Variants in GRIA3 observed in about 807,000 individuals in gnomAD.
The protein encoded by GRIA3 is glutamate ionotropic receptor AMPA type subunit 3.
A neutral mutation model predicts 63.0 loss-of-function variants in GRIA3; 3 were observed. The observed-to-expected ratio is 0.05, with a 90% CI of 0.02 to 0.12. GRIA3 has a LOEUF of 0.12. Ranked by LOEUF, GRIA3 falls within the 10% of genes least tolerant of loss-of-function variation. GRIA3 has a pLI of 1.00. For missense variants in GRIA3, 347 were observed against 700.9 expected (o/e 0.50, Z 5.70); for synonymous variants, 274 against 257.9 (o/e 1.06, Z -0.60).
chrX:123,253,914 G>T (rs1428438544), intron 3 of GRIA3, among the ~76,000 whole-genome samples: 2 of 111,658 alleles, frequency 1.8e-5, no homozygotes, highest in African/African-American at 6.5e-5. Context: ...AATCCTGTCA[G>T]AAACTGTAAT....
chrX:123,386,249 A>G (rs1285157300), intron 5 of GRIA3, among the ~76,000 whole-genome samples: 1 of 111,854 alleles, frequency 8.9e-6, no homozygotes, highest in African/African-American at 3.2e-5. Flanking sequence ...TTATTTTAAG[A>G]AATTTCTATT....
chrX:123,434,619 T>C (rs186681515), intron 12 of GRIA3, among the ~76,000 whole-genome samples: 86 of 111,937 alleles, frequency 7.7e-4, no homozygotes, highest in Non-Finnish European at 1.4e-3. Flanking sequence ...GCAAGAGCCA[T>C]AGACCTTATA....
At chrX:123,203,611 C>T (rs369016928) in intron 2 of GRIA3, among the ~76,000 whole-genome samples, 1 of 111,772 alleles carries the variant, frequency 8.9e-6, no homozygotes, top group Non-Finnish European at 1.9e-5. Context: ...TCAAGTCTGG[C>T]CTCCACAGCA....
intron 2 of GRIA3, among the ~76,000 whole-genome samples, chrX:123,219,146 C>CA (rs990039213): frequency 1.3e-3 from 140 of 110,351 alleles, no homozygotes; most frequent in African/African-American, 3.7e-3. Flanking sequence ...AACCAGCTAA[C>CA]AAAAAAAAAT....
intron 3 of GRIA3, among the ~76,000 whole-genome samples, chrX:123,260,457 AAAGGAAGGAAG>A (rs2044448841): frequency 9.2e-5 from 1 of 10,845 alleles, no homozygotes; most frequent in Non-Finnish European, 2.3e-4. Context: ...AGAAAGAAAG[AAAGGAAGGAAG>A]AAGAAAGGAA....
intron 3 of GRIA3, among the ~76,000 whole-genome samples, chrX:123,307,378 T>C (rs1336082691): frequency 1.8e-5 from 2 of 112,058 alleles, no homozygotes; most frequent in African/African-American, 6.5e-5. Context: ...TCTATTGTCA[T>C]GTGGATTCTG....
chrX:123,201,667 C>A, intron 2 of GRIA3, among the ~76,000 whole-genome samples: 1 of 107,363 alleles, frequency 9.3e-6, no homozygotes, highest in African/African-American at 3.4e-5. Flanking sequence ...CTAAAGCAAT[C>A]ACTGCAGATC....
At chrX:123,415,336 G>A (rs1332239696) in intron 10 of GRIA3, among the ~76,000 whole-genome samples, 1 of 112,091 alleles carries the variant, frequency 8.9e-6, no homozygotes, top group East Asian at 2.8e-4. Flanking sequence ...ATAGAGCTGG[G>A]TTTTAAGAAG....
chrX:123,427,621 T>C (rs760929837), intron 11 of GRIA3, among the ~76,000 whole-genome samples: 1 of 111,501 alleles, frequency 9.0e-6, no homozygotes, highest in African/African-American at 3.3e-5. Context: ...AGCTGGAAGA[T>C]AGCTAGAGCC....
At chrX:123,269,249 C>G (rs1293908392) in intron 3 of GRIA3, among the ~76,000 whole-genome samples, 1 of 112,256 alleles carries the variant, frequency 8.9e-6, no homozygotes, top group Non-Finnish European at 1.9e-5. Context: ...GCATTAGGCT[C>G]TGTGTTGTGT....
At chrX:123,218,387 C>CT (rs971443105) in intron 2 of GRIA3, among the ~76,000 whole-genome samples, 5 of 112,246 alleles carry the variant, frequency 4.5e-5, no homozygotes, top group African/African-American at 1.6e-4. Context: ...ATAAAAACAT[C>CT]TAGTCGAGTT....
intron 3 of GRIA3, among the ~76,000 whole-genome samples, chrX:123,322,389 A>G (rs2044874106): frequency 8.9e-6 from 1 of 111,918 alleles, no homozygotes; most frequent in Non-Finnish European, 1.9e-5. Context: ...GCTCAAGTAA[A>G]AGTAGTTTTT....
intron 12 of GRIA3, among the ~76,000 whole-genome samples, chrX:123,430,886 G>A (rs1449827170): frequency 9.0e-6 from 1 of 111,014 alleles, no homozygotes; most frequent in Non-Finnish European, 1.9e-5. Flanking sequence ...GGGAGGCTGA[G>A]GCAGGAGAAT....
chrX:123,351,497 T>C (rs1299748268), intron 4 of GRIA3, among the ~76,000 whole-genome samples: 1 of 111,948 alleles, frequency 8.9e-6, no homozygotes, highest in African/African-American at 3.2e-5. Context: ...CCCTAAAATA[T>C]GCATATCCCT....
intron 11 of GRIA3, among the ~76,000 whole-genome samples, chrX:123,425,961 T>C (rs1466826287): frequency 2.7e-5 from 3 of 110,158 alleles, no homozygotes; most frequent in Non-Finnish European, 5.7e-5. Context: ...AAGGTTACCT[T>C]GGGACACAGG....
Position 123,239,818 on chromosome X carries a change from T to C in GRIA3, c.269-13485T>C, listed in dbSNP as rs1006087356. Among the ~76,000 whole-genome samples, 3 of 112,102 alleles carry C rather than the reference T, an allele frequency of 2.7e-5. No homozygotes were observed. The Admixed American group carries it at 2.8e-4, about 11-fold the overall frequency. On this transcript the variant is annotated intron_variant, in intron 2 of 15. Coordinates refer to ENST00000620443, the MANE Select transcript of GRIA3 (RefSeq NM_007325.5). The stretch of plus-strand genomic sequence containing the variant: ...TATGGAGCACTTGAAATATGACTAG[T>C]GTAACTGAGAAAAGTGTAGTCACAT...
At chrX:123,334,423 T>A (rs2044961391) in intron 4 of GRIA3, among the ~76,000 whole-genome samples, 1 of 111,411 alleles carries the variant, frequency 9.0e-6, no homozygotes, top group African/African-American at 3.3e-5. Flanking sequence ...GCTTTGTGAC[T>A]GTTTAGAAGC....
chrX:123,412,757 T>C (rs1306077039), intron 10 of GRIA3, among the ~76,000 whole-genome samples: 4 of 111,752 alleles, frequency 3.6e-5, no homozygotes, highest in Non-Finnish European at 5.6e-5. Flanking sequence ...CTGTAATAGG[T>C]ATTTTTTAAG....
intron 15 of GRIA3, 95 bp downstream of exon 15, chrX:123,483,141 TTCAAAGCATTGTC>T: frequency 8.2e-6 from 6 of 728,057 alleles, no homozygotes; most frequent in Admixed American, 5.1e-5. Context: ...TGGTTTATTG[TTCAAAGCATTGTC>T]TCTTTGCAAC....
Sources: gnomAD v4.1 joint callset for allele counts (sites outside exome capture counted in the v4.1 genomes callset) on GRCh38, gnomAD v4.1.1 for gene constraint, MANE v1.5 for transcripts, NCBI Gene and HGNC (gene_info 2026-07-23, HGNC 2026-07-21) for gene names.